The following KHDC1 variants were observed in gnomAD, a reference collection of about 807,000 sequenced individuals.
The protein encoded by KHDC1 is KH domain containing 1, also known as KH homology domain-containing protein 1.
In KHDC1, 21 loss-of-function variants were observed where a neutral mutation model predicts 24.7. The observed-to-expected ratio is 0.85, with a 90% CI of 0.60 to 1.23. The LOEUF is 1.23. KHDC1 is among the 50% of genes most tolerant of loss of function. The pLI is 0.00. For missense variants in KHDC1, 274 were observed against 298.5 expected (o/e 0.92, Z 0.61); for synonymous variants, 98 against 111.7 (o/e 0.88, Z 0.77).
At chr6:73,263,087 CAGGCCT>C (rs1767014268) in intron 2 of KHDC1, 1 of 1,028,030 alleles carries the variant, frequency 9.7e-7, no homozygotes, top group Non-Finnish European at 1.2e-6. Flanking sequence ...GCAGCGGCTG[CAGGCCT>C]GGCCGATTGT....
chr6:73,252,068 G>T (rs533009697), intron 2 of KHDC1, among the ~76,000 whole-genome samples: 94 of 143,706 alleles, frequency 6.5e-4, no homozygotes, highest in African/African-American at 2.4e-3. Flanking sequence ...TCTGAAACAC[G>T]GTCTCACCCT....
chr6:73,252,977 T>C (rs1050620737), intron 2 of KHDC1, among the ~76,000 whole-genome samples: 2 of 152,220 alleles, frequency 1.3e-5, no homozygotes, highest in Middle Eastern at 3.2e-3. Flanking sequence ...TTTTGGTTTT[T>C]TAAACTATGT....
intron 2 of KHDC1, among the ~76,000 whole-genome samples, chr6:73,278,767 A>C (rs1319863371): frequency 2.6e-5 from 4 of 152,176 alleles, no homozygotes; most frequent in Non-Finnish European, 5.9e-5. Context: ...TGCATAGGAA[A>C]AATCACAGTA....
intron 2 of KHDC1, among the ~76,000 whole-genome samples, chr6:73,272,411 A>G (rs889964609): frequency 6.6e-6 from 1 of 151,860 alleles, no homozygotes; most frequent in African/African-American, 2.4e-5. Flanking sequence ...CTGGGATTAC[A>G]GGCGTGAGCC....
intron 2 of KHDC1, among the ~76,000 whole-genome samples, chr6:73,254,515 A>AAAT (rs1766845237): frequency 6.7e-6 from 1 of 149,136 alleles, no homozygotes; most frequent in South Asian, 2.1e-4. Flanking sequence ...AATAAATAAA[A>AAAT]GACTACGTAG....
At chr6:73,242,062 A>C in exon 4 of KHDC1, 1 of 1,612,082 alleles carries the variant, frequency 6.2e-7, no homozygotes. Flanking sequence ...TACCTCGAGC[A>C]TGATGATAGG....
intron 4 of KHDC1, 52 bp from the exon 4 acceptor site, chr6:73,241,780 A>C (rs1351865123): frequency 2.5e-6 from 4 of 1,584,072 alleles, no homozygotes; most frequent in Non-Finnish European, 3.5e-6. Flanking sequence ...ACTGGGGCCC[A>C]TTGGCAGGCC....
At chr6:73,252,584 C>T (rs759914188) in intron 2 of KHDC1, among the ~76,000 whole-genome samples, 7 of 151,506 alleles carry the variant, frequency 4.6e-5, no homozygotes, top group South Asian at 2.1e-4. Context: ...CCAAGGCAGG[C>T]GGATCACTTT....
At chr6:73,306,849 A>C (rs1767974878) in intron 1 of KHDC1, among the ~76,000 whole-genome samples, 1 of 152,164 alleles carries the variant, frequency 6.6e-6, no homozygotes, top group Admixed American at 6.5e-5. Flanking sequence ...TCTACTAAAA[A>C]TACAAAAAAA....
intron 2 of KHDC1, among the ~76,000 whole-genome samples, chr6:73,248,989 T>G (rs1456594444): frequency 6.6e-6 from 1 of 152,050 alleles, no homozygotes; most frequent in Non-Finnish European, 1.5e-5. Flanking sequence ...TTCAGAACAT[T>G]TATAAGTGAC....
intron 2 of KHDC1, among the ~76,000 whole-genome samples, chr6:73,252,816 C>CAA (rs202060782): frequency 3.0e-5 from 4 of 132,604 alleles, no homozygotes; most frequent in African/African-American, 8.1e-5. Flanking sequence ...GACTCTACCT[C>CAA]AAAAAAAAAA....
chr6:73,254,144 C>G (rs1766834062), intron 2 of KHDC1, among the ~76,000 whole-genome samples: 1 of 151,904 alleles, frequency 6.6e-6, no homozygotes, highest in Non-Finnish European at 1.5e-5. Flanking sequence ...AAGAATGAAA[C>G]AAAATCCACA....
At chr6:73,253,445 C>T (rs576008015) in intron 2 of KHDC1, among the ~76,000 whole-genome samples, 5 of 151,498 alleles carry the variant, frequency 3.3e-5, no homozygotes, top group Non-Finnish European at 7.4e-5. Flanking sequence ...ACCAGCTACT[C>T]GGGAGGCTGA....
chr6:73,290,920 G>A, intron 2 of KHDC1: 1 of 361,618 alleles, frequency 2.8e-6, no homozygotes, highest in Non-Finnish European at 5.4e-6. Flanking sequence ...CTCAATCACT[G>A]AGTCTAATGT....
intron 2 of KHDC1, chr6:73,270,664 T>C (rs1397260995): frequency 6.6e-6 from 1 of 151,926 alleles, no homozygotes; most frequent in Non-Finnish European, 1.5e-5. Flanking sequence ...ATTGATCCTA[T>C]AGTGGAAAAG....
chr6:73,250,858 G>T (rs1453464440), intron 2 of KHDC1, among the ~76,000 whole-genome samples: 3 of 151,548 alleles, frequency 2.0e-5, no homozygotes, highest in African/African-American at 7.3e-5. Context: ...ATTTTTTTTT[G>T]AAATCGAGTC....
At chr6:73,242,350 G>A in intron 3 of KHDC1, 56 bp downstream of exon 2, 1 of 1,611,876 alleles carries the variant, frequency 6.2e-7, no homozygotes, top group Non-Finnish European at 8.5e-7. Flanking sequence ...GGGAGAGGAA[G>A]AGTGAAAACT....
chr6:73,270,331 C>T (rs1199771687), intron 2 of KHDC1: 2 of 152,086 alleles, frequency 1.3e-5, no homozygotes, highest in African/African-American at 4.8e-5. Flanking sequence ...AAGCCTTTTT[C>T]ATGCCTGTTT....
intron 1 of KHDC1, among the ~76,000 whole-genome samples, chr6:73,306,150 A>T (rs1767957879): frequency 6.6e-6 from 1 of 152,058 alleles, no homozygotes. Flanking sequence ...CTTTCCATAT[A>T]GCTCCCTGAA....
Sources: gnomAD v4.1 joint callset for allele counts (sites outside exome capture counted in the v4.1 genomes callset) on GRCh38, gnomAD v4.1.1 for gene constraint, MANE v1.5 for transcripts, NCBI Gene and HGNC (gene_info 2026-07-23, HGNC 2026-07-21) for gene names.